KCNIP1: variants seen among roughly 807,000 people sequenced by gnomAD.
KCNIP1 encodes the protein potassium voltage-gated channel interacting protein 1, also known as A-type potassium channel modulatory protein KCNIP1.
Under a neutral mutation model 33.0 loss-of-function variants are expected in KCNIP1, and 18 were observed. The observed-to-expected ratio is 0.55, with a 90% CI of 0.38 to 0.81. The LOEUF is 0.81. KCNIP1 is among the 30% of genes least tolerant of loss of function. The probability of loss-of-function intolerance (pLI) is 0.00; values close to 1 mark genes in which losing one functional copy is unlikely to be tolerated. For missense variants in KCNIP1, 238 were observed against 271.6 expected (o/e 0.88, Z 0.87); for synonymous variants, 93 against 98.3 (o/e 0.95, Z 0.32).
At chr5:170,445,445 C>T (rs141783559) in intron 1 of KCNIP1, among the ~76,000 whole-genome samples, 37 of 152,314 alleles carry the variant, frequency 2.4e-4, no homozygotes, top group Non-Finnish European at 3.7e-4. Flanking sequence ...CTGCGGATCC[C>T]GAGGTGGATT....
intron 1 of KCNIP1, among the ~76,000 whole-genome samples, chr5:170,651,266 C>CA (rs1345323796): frequency 6.6e-6 from 1 of 152,104 alleles, no homozygotes; most frequent in East Asian, 1.9e-4. Flanking sequence ...AAATCAAAGC[C>CA]AAGGCTTGGA....
chr5:170,488,951 A>G (rs1311592254), intron 1 of KCNIP1, among the ~76,000 whole-genome samples: 2 of 152,306 alleles, frequency 1.3e-5, no homozygotes, highest in Middle Eastern at 6.8e-3. Flanking sequence ...GCCTGACTAC[A>G]GTGAGGTGTG....
chr5:170,522,791 A>G (rs963159869), intron 1 of KCNIP1, among the ~76,000 whole-genome samples: 10 of 152,234 alleles, frequency 6.6e-5, no homozygotes, highest in Non-Finnish European at 1.5e-5. Flanking sequence ...ATTCTCCCTG[A>G]TCTCTGTAAG....
At chr5:170,517,995 G>A (rs1418996709) in intron 1 of KCNIP1, among the ~76,000 whole-genome samples, 6 of 151,660 alleles carry the variant, frequency 4.0e-5, no homozygotes, top group African/African-American at 1.5e-4. Context: ...GATGGTGGTG[G>A]TTATGGAGGT....
chr5:170,617,844 G>C (rs1759447464), intron 1 of KCNIP1, among the ~76,000 whole-genome samples: 1 of 152,206 alleles, frequency 6.6e-6, no homozygotes, highest in Non-Finnish European at 1.5e-5. Context: ...GCAGTGAATG[G>C]CAGAGAAAAT....
At chr5:170,431,718 A>G (rs1755745504) in intron 1 of KCNIP1, among the ~76,000 whole-genome samples, 2 of 152,352 alleles carry the variant, frequency 1.3e-5, no homozygotes, top group East Asian at 3.9e-4. Context: ...CAGGGTCTAC[A>G]CGGGCTGAGC....
intron 1 of KCNIP1, among the ~76,000 whole-genome samples, chr5:170,510,519 A>C (rs528927413): frequency 1.3e-5 from 2 of 152,226 alleles, no homozygotes; most frequent in Non-Finnish European, 2.9e-5. Context: ...CCCATTCATC[A>C]GGCAGGGAAG....
intron 1 of KCNIP1, among the ~76,000 whole-genome samples, chr5:170,362,658 A>C (rs368230455): frequency 2.0e-5 from 3 of 152,194 alleles, no homozygotes; most frequent in African/African-American, 7.2e-5. Flanking sequence ...ATTTTCATTT[A>C]TTGCTGGAAT....
chr5:170,621,446 A>G (rs1412302974), intron 1 of KCNIP1, among the ~76,000 whole-genome samples: 1 of 152,116 alleles, frequency 6.6e-6, no homozygotes, highest in Non-Finnish European at 1.5e-5. Context: ...GAGATCTGTG[A>G]GCACCCCAGC....
intron 1 of KCNIP1, among the ~76,000 whole-genome samples, chr5:170,574,471 T>C (rs1757525896): frequency 6.6e-6 from 1 of 152,186 alleles, no homozygotes; most frequent in African/African-American, 2.4e-5. Flanking sequence ...AAGGAATAAA[T>C]GTTTGAAAGC....
At chr5:170,587,405 G>C (rs1758033698) in intron 1 of KCNIP1, among the ~76,000 whole-genome samples, 1 of 101,250 alleles carries the variant, frequency 9.9e-6, no homozygotes, top group Admixed American at 1.4e-4. Context: ...CTGGGCAACA[G>C]AGCGAGACTC....
intron 1 of KCNIP1, among the ~76,000 whole-genome samples, chr5:170,465,939 C>G (rs974275875): frequency 1.3e-5 from 2 of 152,094 alleles, no homozygotes; most frequent in Admixed American, 1.3e-4. Context: ...GGGGGAGGGT[C>G]AGAAAGCCCA....
chr5:170,561,647 C>T (rs1320378856), intron 1 of KCNIP1, among the ~76,000 whole-genome samples: 1 of 152,242 alleles, frequency 6.6e-6, no homozygotes, highest in Admixed American at 6.5e-5. Flanking sequence ...CTTCTTGAGA[C>T]CAGGTTCCCA....
chr5:170,382,940 CAAGGAAGG>C (rs60329523), intron 1 of KCNIP1: 7,127 of 131,098 alleles, frequency 0.054, 229 homozygotes, highest in Middle Eastern at 0.089. Context: ...AAGAAGGAAA[CAAGGAAGG>C]AAGGAAGGAA....
At chr5:170,576,550 T>G (rs1233938046) in intron 1 of KCNIP1, among the ~76,000 whole-genome samples, 1 of 152,178 alleles carries the variant, frequency 6.6e-6, no homozygotes, top group African/African-American at 2.4e-5. Context: ...CAACTGGACA[T>G]ACCCAATGCA....
chr5:170,541,334 C>A (rs186602300), intron 1 of KCNIP1, among the ~76,000 whole-genome samples: 1 of 152,196 alleles, frequency 6.6e-6, no homozygotes, highest in Non-Finnish European at 1.5e-5. Context: ...ACCGTCACCC[C>A]CTGGAGTCTG....
At chr5:170,521,783 G>A (rs972587625) in intron 1 of KCNIP1, among the ~76,000 whole-genome samples, 1 of 152,072 alleles carries the variant, frequency 6.6e-6, no homozygotes, top group Non-Finnish European at 1.5e-5. Context: ...TATACTTTAG[G>A]GTAACCCTAG....
chr5:170,644,617 A>G (rs1282904117), intron 1 of KCNIP1, among the ~76,000 whole-genome samples: 2 of 152,224 alleles, frequency 1.3e-5, no homozygotes, highest in East Asian at 3.8e-4. Flanking sequence ...CAAGGGAGGG[A>G]GAGAAGAACT....
At chr5:170,727,379 G>T (rs2113886590) in intron 5 of KCNIP1, among the ~76,000 whole-genome samples, 1 of 152,304 alleles carries the variant, frequency 6.6e-6, no homozygotes, top group African/African-American at 2.4e-5. Flanking sequence ...TGAGTGTGGT[G>T]GAGGTTACAT....
Sources: allele counts gnomAD v4.1 joint callset (sites outside exome capture counted in the v4.1 genomes callset), GRCh38; gene constraint gnomAD v4.1.1; transcripts MANE v1.5; gene names NCBI Gene and HGNC (gene_info 2026-07-23, HGNC 2026-07-21).